Variants in FAT2 observed in about 807,000 individuals in gnomAD.
FAT2 encodes FAT atypical cadherin 2, also known as protocadherin Fat 2.
Under a neutral mutation model 295.3 loss-of-function variants are expected in FAT2, and 150 were observed. That is an observed-to-expected ratio of 0.51 (90% CI 0.44 to 0.58). The LOEUF is 0.58. FAT2 is among the 20% of genes least tolerant of loss of function. FAT2 has a pLI of 0.00. For synonymous variants in FAT2, 2,026 were observed against 2,150.3 expected, an observed-to-expected ratio of 0.94 and a Z score of 1.60; for missense variants, 4,868 against 5,442.7, an observed-to-expected ratio of 0.89 and a Z score of 3.32.
In FAT2 at chr5:151,554,691, C is replaced by A. The variant is rs1757528202; in HGVS notation, c.3634-18G>T. On this transcript the variant is annotated intron_variant, in intron 4 of 23. Transcript: ENST00000261800. ...ACAGTCACCTGGGAGCAGAATTGAG[C>A]ATGAGCACCTGAGCTGACAATTGCA... is the stretch of plus-strand genomic sequence containing the variant. The A allele has an allele frequency of 6.3e-7, 1 of 1,594,224 alleles. No individual in the cohort carries two copies. Among genetic ancestry groups the A allele is most frequent in the South Asian group, 1.1e-5 (1 of 88,722 alleles).
rs552300011 is a variant in FAT2, at chr5:151,505,903, G to T, written c.12712C>A (p.Pro4238Thr). 6.3e-7 allele frequency: 1 copy of T among 1,592,584 alleles called. No individual in the cohort carries two copies. The highest frequency in any genetic ancestry group is 1.7e-4 in the Middle Eastern group (1 of 5,938). Residue 4238 changes from proline (P) to threonine (T), a missense_variant, in exon 24 of 24, where the codon CCT becomes ACT. Coordinates refer to ENST00000261800, the MANE Select transcript of FAT2 (RefSeq NM_001447.3). The stretch of plus-strand genomic sequence containing the variant: ...TGGTTGCTGTAACGGGGTGGGAGAG[G>T]TGCCCGCTTGTTTTCCATCTCCAGG... ...FPLEMENKRA[P>T]LPPRYSNQNL...
intron 8 of FAT2, among the ~76,000 whole-genome samples, chr5:151,549,885 G>C (rs1014511401): frequency 6.6e-6 from 1 of 152,188 alleles, no homozygotes; most frequent in African/African-American, 2.4e-5. Context: ...CAGTCAAACA[G>C]TTTTCTTTGT....
chr5:151,572,870 C>T (rs1050587723), intron 1 of FAT2, among the ~76,000 whole-genome samples: 7 of 152,166 alleles, frequency 4.6e-5, no homozygotes, highest in African/African-American at 9.7e-5. Context: ...CAGACTGTTC[C>T]GGGAAGCTGC....
Position 151,521,893 on chromosome 5 carries a change from C to T in FAT2, c.10700G>A (p.Ser3567Asn). ...DRDPQDTLTY[S>N]LAEEETLGRH... ...GCCCAGGGTCTCCTCTTCTGCCAGGCTATAGGTCAGCGTGTCCTGGGGGTC... is the reference window on the plus strand; with the variant it reads ...GCCCAGGGTCTCCTCTTCTGCCAGGTTATAGGTCAGCGTGTCCTGGGGGTC... Residue 3567 changes from serine (S) to asparagine (N), a missense_variant, in exon 19 of 24, where the codon AGC (serine) becomes AAC (asparagine). Physicochemically the swap from Ser to Asn is conservative, Grantham distance 46 (BLOSUM62 1). Transcript: ENST00000261800. 1.2e-6 allele frequency: 2 copies of T among 1,613,992 alleles called. No individual in the cohort carries two copies. Among genetic ancestry groups the T allele is most frequent in the Non-Finnish European group, 1.7e-6 (2 of 1,179,878 alleles).
upstream of FAT2, among the ~76,000 whole-genome samples, chr5:151,594,498 T>C (rs940010075): frequency 6.6e-6 from 1 of 152,246 alleles, no homozygotes; most frequent in East Asian, 1.9e-4. Flanking sequence ...TTCCTGGACC[T>C]CAGCGTCCCT....
At position 151,571,232 on chromosome 5, in the gene FAT2, C is replaced by A. The variant is rs533758145; in HGVS notation, c.-20-2281G>T. ...CACTCACCCTACCCCTGACCCAGCC[C>A]CCACAAGCAGAAGGGGACGCCTGAG... On this transcript the variant is annotated intron_variant, in intron 1 of 23. Coordinates refer to ENST00000261800, the MANE Select transcript of FAT2 (RefSeq NM_001447.3). 1.6e-3 allele frequency among the ~76,000 whole-genome samples: 248 copies of A among 152,108 alleles called. 1 individual carries two copies. The highest frequency in any genetic ancestry group is 2.2e-3 in the Non-Finnish European group (152 of 67,998).
rs146511113 is a variant in FAT2 at position 151,548,631 on chromosome 5, T to C, written c.4789+664A>G. ...GAGTAGCTGGGATTACAGGTGCATGTCACCATGCCAGGCTAATTTTTGTAT... is the reference window on the plus strand; with the variant it reads ...GAGTAGCTGGGATTACAGGTGCATGCCACCATGCCAGGCTAATTTTTGTAT... On this transcript the variant is annotated intron_variant, in intron 9 of 23. Transcript: ENST00000261800. Among the ~76,000 whole-genome samples, 1,473 of 152,216 alleles carry C rather than the reference T, an allele frequency of 9.7e-3. 21 individuals carry two copies. Among genetic ancestry groups the C allele is most frequent in the African/African-American group, 0.034 (1,409 of 41,528 alleles).
chr5:151,579,667 A>G (rs1758869203), intron 1 of FAT2, among the ~76,000 whole-genome samples: 1 of 152,234 alleles, frequency 6.6e-6, no homozygotes, highest in African/African-American at 2.4e-5. Flanking sequence ...TACATTATCA[A>G]TACATTATGT....
Position 151,538,418 on chromosome 5 carries a change from G to A in FAT2, c.9040-472C>T, listed in dbSNP as rs568503904. On this transcript the variant is annotated intron_variant, in intron 11 of 23. Transcript: ENST00000261800. Reference sequence around the variant, plus strand: ...TGCTATTAAGCTCATCTCCCTGACCGTATCCCCAGGACAGACCCTTGACCT... The same window carrying A: ...TGCTATTAAGCTCATCTCCCTGACCATATCCCCAGGACAGACCCTTGACCT... 3.9e-5 allele frequency among the ~76,000 whole-genome samples: 6 copies of A among 152,278 alleles called. No individual in the cohort carries two copies. In the South Asian group the frequency reaches 6.2e-4, roughly 16 times the overall value.
In FAT2 at chr5:151,534,394, C is replaced by A. The variant is rs369161153; in HGVS notation, c.9427+15G>T. 1.9e-6 allele frequency: 3 copies of A among 1,587,130 alleles called. No homozygotes were observed. In the African/African-American group the frequency reaches 4.0e-5, roughly 21 times the overall value. On this transcript the variant is annotated intron_variant, in intron 13 of 23. Transcript: ENST00000261800. The stretch of plus-strand genomic sequence containing the variant: ...GGAGATCATTGGAAATGGCCTCAAT[C>A]CTTCTCAGACTCACCTTGGTCGGGA...
In FAT2 at chr5:151,513,834, T is replaced by A. The variant is rs568817288; in HGVS notation, c.11464-1228A>T. Among the ~76,000 whole-genome samples the A allele has an allele frequency of 1.8e-4, 27 of 152,372 alleles. No individual in the cohort carries two copies. In the South Asian group the frequency reaches 3.5e-3, roughly 20 times the overall value. On this transcript the variant is annotated intron_variant, in intron 20 of 23. Coordinates refer to ENST00000261800, the MANE Select transcript of FAT2 (RefSeq NM_001447.3). The stretch of plus-strand genomic sequence containing the variant: ...ATTTCTAAATAAATTAATACATTTT[T>A]AAATATCTCAGTTTTAATGTCTAAT...
rs754343645 is a variant in FAT2 at position 151,568,585 on chromosome 5, G to A, written c.347C>T (p.Thr116Ile). 3 of 1,614,020 alleles carry A rather than the reference G, an allele frequency of 1.9e-6. No individual in the cohort carries two copies. The highest frequency in any genetic ancestry group is 2.2e-5 in the East Asian group (1 of 44,896). ...LLNREVRDSY[T>I]LIIQATEKTL... ...CTTCTCTGTGGCTTGGATGATGAGG[G>A]TGTAGCTGTCTCGCACCTCTCTGTT... is the stretch of plus-strand genomic sequence containing the variant. The change falls in exon 2 of 24, where the codon ACC (threonine) becomes ATC (isoleucine). Residue 116 changes from threonine (T) to isoleucine (I), a missense_variant. This residue lies in a region of FAT2 where 3,297 missense variants were observed against 3,669.4 expected (regional missense o/e 0.90). Coordinates refer to ENST00000261800, the MANE Select transcript of FAT2 (RefSeq NM_001447.3).
chr5:151,572,539 A>G (rs879596402), intron 1 of FAT2, among the ~76,000 whole-genome samples: 2 of 152,200 alleles, frequency 1.3e-5, no homozygotes, highest in Admixed American at 1.3e-4. Flanking sequence ...TACCTGTTCA[A>G]CCTTAGAAAG....
intron 15 of FAT2, among the ~76,000 whole-genome samples, 156 bp downstream of exon 15, chr5:151,529,022 T>C (rs1195597820): frequency 6.6e-6 from 1 of 152,206 alleles, no homozygotes; most frequent in Non-Finnish European, 1.5e-5. Flanking sequence ...TTGGCCATAC[T>C]CAAATCTCAC....
chr5:151,555,018 T>A (rs1416811604), intron 4 of FAT2, among the ~76,000 whole-genome samples: 1 of 152,246 alleles, frequency 6.6e-6, no homozygotes, highest in Non-Finnish European at 1.5e-5. Context: ...TTTCCTTAAG[T>A]TGCTCGATTA....
At chr5:151,550,459 G>T in intron 8 of FAT2, 131 bp downstream of exon 8, 1 of 1,071,122 alleles carries the variant, frequency 9.3e-7, no homozygotes, top group Non-Finnish European at 1.3e-6. Context: ...AGCCAGCTGT[G>T]AAATGTCACA....
At chr5:151,525,661 TA>T in intron 18 of FAT2, 106 bp downstream of exon 18, 1 of 1,280,820 alleles carries the variant, frequency 7.8e-7, no homozygotes, top group African/African-American at 1.5e-5. Context: ...TGATGCATCC[TA>T]AGTGCTTTGT....
rs2127640029 is a variant in FAT2, at chr5:151,561,710, G to C, written c.3574+1615C>G. ...CTGGCTTACTGACTTTAGCTTAAGA[G>C]CACAGGGAAGCCATACAAGGCATCC... On this transcript the variant is annotated intron_variant, in intron 3 of 23. Transcript: ENST00000261800. Among the ~76,000 whole-genome samples, 4 of 152,312 alleles carry C rather than the reference G, an allele frequency of 2.6e-5. No individual in the cohort carries two copies. The South Asian group carries it at 8.3e-4, about 32-fold the overall frequency.
At chr5:151,555,921 T>C (rs1561866134) in intron 4 of FAT2, among the ~76,000 whole-genome samples, 1 of 152,170 alleles carries the variant, frequency 6.6e-6, no homozygotes, top group Non-Finnish European at 1.5e-5. Context: ...GGAATGCCTA[T>C]GTGATTTTAG....
Sources: allele counts gnomAD v4.1 joint callset (sites outside exome capture counted in the v4.1 genomes callset), GRCh38; gene constraint gnomAD v4.1.1; regional missense constraint gnomAD v4.1.1; transcripts MANE v1.5; gene names NCBI Gene and HGNC (gene_info 2026-07-23, HGNC 2026-07-21).